Variants in ME3 observed in about 807,000 individuals in gnomAD.
ME3 encodes the protein NADP-dependent malic enzyme, mitochondrial.
In ME3, 48 loss-of-function variants were observed where a neutral mutation model predicts 68.9. That is an observed-to-expected ratio of 0.70 (90% confidence interval 0.55 to 0.89). The LOEUF (loss-of-function observed/expected upper bound fraction) is 0.89, where lower values mean the gene tolerates loss of function less well. Among genes scored for constraint, ME3 ranks in the 40% least tolerant of loss-of-function variants. The pLI, the probability that ME3 is intolerant of heterozygous loss-of-function variation, is 0.00. For missense variants in ME3, 675 were observed against 797.4 expected (o/e 0.85, Z 1.85); for synonymous variants, 320 against 318.8 (o/e 1.00, Z -0.04).
intron 4 of ME3, among the ~76,000 whole-genome samples, chr11:86,552,771 A>G (rs898587178): frequency 1.3e-5 from 2 of 152,162 alleles, no homozygotes; most frequent in Non-Finnish European, 2.9e-5. Flanking sequence ...AACAAGTGTC[A>G]TAATGTTTTC....
rs638041 is a variant in ME3, at chr11:86,506,631, G to C, written c.543+2161C>G. Among the ~76,000 whole-genome samples the C allele has an allele frequency of 2.0e-5, 3 of 152,122 alleles. 1 individual carries two copies. The South Asian group carries it at 6.2e-4, about 32-fold the overall frequency. ...CATAATTTGCACAAAAGCACCGAAA[G>C]TATTAGTGGAGAACCTCCTGGCACA... On this transcript the variant is annotated intron_variant, in intron 5 of 14. Transcript: ENST00000543262.
At chr11:86,477,801 G>C (rs1951168897) in intron 7 of ME3, among the ~76,000 whole-genome samples, 1 of 152,150 alleles carries the variant, frequency 6.6e-6, no homozygotes, top group African/African-American at 2.4e-5. Context: ...AAGTGAAAAT[G>C]TCCTAGAGAG....
At chr11:86,462,672 T>G in intron 8 of ME3, 1 of 1,084,486 alleles carries the variant, frequency 9.2e-7, no homozygotes. Flanking sequence ...GGCGCGGTGC[T>G]GGGAGCTGGG....
intron 5 of ME3, among the ~76,000 whole-genome samples, chr11:86,499,672 A>G (rs996954133): frequency 1.3e-5 from 2 of 152,164 alleles, no homozygotes; most frequent in African/African-American, 4.8e-5. Flanking sequence ...CTTCTGGAAA[A>G]GGGTCTCTGG....
intron 8 of ME3, among the ~76,000 whole-genome samples, chr11:86,455,308 C>G (rs572991065): frequency 9.2e-5 from 14 of 152,218 alleles, no homozygotes; most frequent in Admixed American, 6.5e-5. Context: ...CAGTAGAACA[C>G]AGTGGGTAGT....
intron 4 of ME3, among the ~76,000 whole-genome samples, chr11:86,535,698 T>C (rs1265994077): frequency 2.0e-5 from 3 of 152,192 alleles, no homozygotes; most frequent in African/African-American, 7.2e-5. Context: ...CTTAAAGGAA[T>C]TTTTACACTT....
intron 2 of ME3, among the ~76,000 whole-genome samples, chr11:86,614,693 A>G (rs946890022): frequency 6.6e-6 from 1 of 152,086 alleles, no homozygotes; most frequent in Non-Finnish European, 1.5e-5. Context: ...TAGTCTCTCA[A>G]AGCTAAGTCC....
intron 4 of ME3, among the ~76,000 whole-genome samples, chr11:86,531,118 C>T (rs1955193555): frequency 6.6e-6 from 1 of 152,152 alleles, no homozygotes; most frequent in African/African-American, 2.4e-5. Flanking sequence ...GGGCTAATAT[C>T]CAGAATCTAC....
At chr11:86,547,193 A>G (rs1173010560) in intron 4 of ME3, among the ~76,000 whole-genome samples, 1 of 125,446 alleles carries the variant, frequency 8.0e-6, no homozygotes, top group African/African-American at 3.3e-5. Context: ...AACCCAGATC[A>G]TGCCACTGCA....
chr11:86,505,414 A>T (rs1565872921), intron 5 of ME3, among the ~76,000 whole-genome samples: 1 of 152,190 alleles, frequency 6.6e-6, no homozygotes, highest in South Asian at 2.1e-4. Context: ...AGAAGCCAGA[A>T]ATCCAAGTGC....
At chr11:86,522,055 G>C (rs1307182500) in intron 4 of ME3, among the ~76,000 whole-genome samples, 2 of 152,172 alleles carry the variant, frequency 1.3e-5, no homozygotes, top group Non-Finnish European at 2.9e-5. Context: ...TTTGAGACAA[G>C]CCTGGCCAAC....
chr11:86,517,241 A>G (rs947094525), intron 4 of ME3, among the ~76,000 whole-genome samples: 1 of 152,012 alleles, frequency 6.6e-6, no homozygotes, highest in South Asian at 2.1e-4. Flanking sequence ...TCTGGGTGGG[A>G]GTGTTTCAGA....
intron 2 of ME3, among the ~76,000 whole-genome samples, chr11:86,658,206 C>G (rs1174875938): frequency 1.3e-5 from 2 of 151,932 alleles, no homozygotes; most frequent in African/African-American, 4.8e-5. Context: ...GTACTGCAAC[C>G]TCCACCTCCC....
At chr11:86,526,762 G>C (rs1173499902) in intron 4 of ME3, among the ~76,000 whole-genome samples, 1 of 152,218 alleles carries the variant, frequency 6.6e-6, no homozygotes. Flanking sequence ...AACAGGGTCT[G>C]GAGTGGACCT....
intron 6 of ME3, among the ~76,000 whole-genome samples, chr11:86,494,298 G>A (rs1255806175): frequency 6.6e-6 from 1 of 152,094 alleles, no homozygotes; most frequent in African/African-American, 2.4e-5. Flanking sequence ...CTCATTCTCG[G>A]CCCCCATTTC....
At chr11:86,480,883 G>A (rs1434772488) in intron 7 of ME3, among the ~76,000 whole-genome samples, 1 of 152,100 alleles carries the variant, frequency 6.6e-6, no homozygotes, top group African/African-American at 2.4e-5. Flanking sequence ...AGAACACACT[G>A]GGTCTTTCCT....
At chr11:86,496,457 A>G (rs1376938589) in intron 6 of ME3, among the ~76,000 whole-genome samples, 3 of 152,354 alleles carry the variant, frequency 2.0e-5, no homozygotes, top group Non-Finnish European at 1.5e-5. Flanking sequence ...CATTGTGTTT[A>G]GGGAAGAGGA....
intron 2 of ME3, among the ~76,000 whole-genome samples, chr11:86,564,712 GAAC>G (rs1394470263): frequency 1.3e-5 from 2 of 152,076 alleles, no homozygotes; most frequent in Non-Finnish European, 2.9e-5. Context: ...CAAAATGGAT[GAAC>G]AACCTAAATA....
chr11:86,580,225 G>C (rs150287464), intron 2 of ME3, among the ~76,000 whole-genome samples: 77 of 152,164 alleles, frequency 5.1e-4, no homozygotes, highest in Non-Finnish European at 8.4e-4. Flanking sequence ...TGACATTGTC[G>C]ACCCTGAAGG....
Sources: allele counts gnomAD v4.1 joint callset (sites outside exome capture counted in the v4.1 genomes callset), GRCh38; gene constraint gnomAD v4.1.1; transcripts MANE v1.5; gene names NCBI Gene and HGNC (gene_info 2026-07-23, HGNC 2026-07-21).